Variants in FRY observed in about 807,000 individuals in gnomAD.
The protein encoded by FRY is protein furry homolog.
A neutral mutation model predicts 348.4 loss-of-function variants in FRY; 128 were observed. The observed-to-expected ratio is 0.37, with a 90% CI of 0.32 to 0.43. The LOEUF is 0.43. Ranked by LOEUF, FRY falls within the 20% of genes least tolerant of loss-of-function variation. The pLI is 1.00. For missense variants in FRY, 2,736 were observed against 3,695.2 expected (o/e 0.74, Z 6.73); for synonymous variants, 1,370 against 1,374.7 (o/e 1.00, Z 0.08).
Position 32,228,498 on chromosome 13 carries a change from C to T in FRY, c.5249C>T (p.Pro1750Leu). Reference sequence around the variant, plus strand: ...AGAGAGGACCAGTCATCCCCGGTGCCTGACTCAGGGCTTAGTTCAAGCTCC... The same window carrying T: ...AGAGAGGACCAGTCATCCCCGGTGCTTGACTCAGGGCTTAGTTCAAGCTCC... ...FLREDQSSPVPDSGLSSSSTS... is the reference protein window; with the variant it reads ...FLREDQSSPVLDSGLSSSSTS... Residue 1750 changes from proline to leucine, a missense_variant, in exon 40 of 61, where the codon CCT becomes CTT. Physicochemically the swap from Pro to Leu is moderately conservative, Grantham distance 98. This residue lies in a region of FRY where 794 missense variants were observed against 977.0 expected (regional missense o/e 0.81). Transcript: ENST00000542859. 1 of 1,613,276 alleles carries T rather than the reference C, an allele frequency of 6.2e-7. No individual in the cohort carries two copies. Among genetic ancestry groups the T allele is most frequent in the Non-Finnish European group, 8.5e-7 (1 of 1,179,866 alleles).
chr13:32,276,501 G>A lies in FRY; in HGVS notation c.8324G>A (p.Ser2775Asn). The change falls in exon 57 of 61, where the codon AGT (serine) becomes AAT (asparagine). Residue 2775 changes from serine (S) to asparagine (N), a missense_variant. This residue lies in a region of FRY where 789 missense variants were observed against 996.2 expected (regional missense o/e 0.79). Coordinates refer to ENST00000542859, the MANE Select transcript of FRY (RefSeq NM_023037.3). ...SCGLLDKLKF[S>N]VLELQEYLDT... ...GGACTTCTGGACAAGCTCAAGTTCA[G>A]TGTGTTAGAACTGCAAGAATATTTG... 2 of 1,606,040 alleles carry A rather than the reference G, an allele frequency of 1.2e-6. No individual in the cohort carries two copies. The highest frequency in any genetic ancestry group is 1.7e-6 in the Non-Finnish European group (2 of 1,172,650).
At chr13:32,219,279 C>T (rs1425307744) in intron 36 of FRY, among the ~76,000 whole-genome samples, 7 of 148,876 alleles carry the variant, frequency 4.7e-5, no homozygotes, top group African/African-American at 1.7e-4. Flanking sequence ...TTAGTAGAGA[C>T]GGGATTTCAC....
At chr13:32,108,339 G>A (rs943759061) in intron 3 of FRY, among the ~76,000 whole-genome samples, 9 of 152,192 alleles carry the variant, frequency 5.9e-5, no homozygotes, top group African/African-American at 2.2e-4. Context: ...GCTGAGTGTT[G>A]ATGATGAGGA....
intron 22 of FRY, 146 bp downstream of exon 22, chr13:32,179,179 G>A: frequency 1.5e-6 from 1 of 672,106 alleles, no homozygotes; most frequent in Admixed American, 2.7e-5. Flanking sequence ...AAATTCCATT[G>A]AGTGTTTATA....
chr13:32,164,433 T>C (rs1417499124), intron 17 of FRY, among the ~76,000 whole-genome samples: 1 of 152,190 alleles, frequency 6.6e-6, no homozygotes, highest in Non-Finnish European at 1.5e-5. Context: ...TTCAACTGTG[T>C]GTCCCACACA....
In FRY at chr13:32,296,567, T is replaced by C. The variant is rs1341764393; in HGVS notation, c.*1107T>C. 1 of 152,266 alleles carries C rather than the reference T, an allele frequency of 6.6e-6. No individual in the cohort carries two copies. Among genetic ancestry groups the C allele is most frequent in the Admixed American group, 6.6e-5 (1 of 15,250 alleles). 9.4% of individuals were successfully genotyped at this position (152,266 alleles called of 1,614,324 possible). A position where few individuals can be genotyped will look rare whatever the true frequency, so the allele number is the denominator to read the frequency against. ...ACTCTGTAAATACATTTAAAGTTTT[T>C]GTGATGTAAGCTTAATTGATATTCT... is the stretch of plus-strand genomic sequence containing the variant. On this transcript the variant is annotated 3_prime_UTR_variant, in exon 61 of 61. Transcript: ENST00000542859.
intron 52 of FRY, 130 bp from the exon 53 acceptor site, chr13:32,262,184 T>G (rs2138545782): frequency 2.7e-6 from 2 of 743,974 alleles, no homozygotes; most frequent in East Asian, 5.3e-5. Context: ...CTGCTATGTT[T>G]AAGGCCCAAT....
intron 16 of FRY, among the ~76,000 whole-genome samples, chr13:32,158,578 C>G (rs1313220865): frequency 6.6e-6 from 1 of 152,178 alleles, no homozygotes; most frequent in Non-Finnish European, 1.5e-5. Context: ...TTCCATACTT[C>G]TTGCATATAT....
intron 16 of FRY, among the ~76,000 whole-genome samples, chr13:32,160,293 C>G (rs1025207379): frequency 6.6e-6 from 1 of 152,082 alleles, no homozygotes; most frequent in Non-Finnish European, 1.5e-5. Flanking sequence ...TATATTTATG[C>G]TCAGAAGACT....
At chr13:32,162,075 G>T (rs1336979130) in intron 17 of FRY, among the ~76,000 whole-genome samples, 4 of 152,084 alleles carry the variant, frequency 2.6e-5, no homozygotes, top group African/African-American at 9.7e-5. Flanking sequence ...AGAGAAAATA[G>T]TTTACAAACC....
intron 39 of FRY, among the ~76,000 whole-genome samples, chr13:32,227,775 A>G (rs943100074): frequency 4.3e-4 from 62 of 145,636 alleles, no homozygotes; most frequent in African/African-American, 1.5e-3. Context: ...TTTTTGAGAC[A>G]GAGTCTCACT....
chr13:32,054,141 G>A (rs73444552), intron 1 of FRY, among the ~76,000 whole-genome samples: 18,726 of 151,988 alleles, frequency 0.12, 1,375 homozygotes, highest in Middle Eastern at 0.22. Flanking sequence ...TGTTTTGAAC[G>A]AAAATATGAA....
intron 55 of FRY, among the ~76,000 whole-genome samples, chr13:32,268,068 A>C (rs1888007478): frequency 6.6e-6 from 1 of 152,016 alleles, no homozygotes; most frequent in Non-Finnish European, 1.5e-5. Flanking sequence ...TTCCAACCCC[A>C]CTTCCAATCC....
intron 39 of FRY, among the ~76,000 whole-genome samples, chr13:32,226,256 G>T (rs1885575952): frequency 6.6e-6 from 1 of 152,122 alleles, no homozygotes; most frequent in Non-Finnish European, 1.5e-5. Flanking sequence ...AAATGTAAGT[G>T]CCCATTGGCC....
chr13:32,079,240 A>G (rs12864812), intron 2 of FRY, among the ~76,000 whole-genome samples: 28,771 of 152,148 alleles, frequency 0.19, 4,392 homozygotes, highest in African/African-American at 0.42. Flanking sequence ...AACGATCTTC[A>G]GCAAATACTA....
At chr13:32,248,629 C>A (rs1886922385) in intron 48 of FRY, among the ~76,000 whole-genome samples, 1 of 152,192 alleles carries the variant, frequency 6.6e-6, no homozygotes, top group South Asian at 2.1e-4. Context: ...ATGGTCCTCA[C>A]TGACCTTTCA....
intron 7 of FRY, among the ~76,000 whole-genome samples, chr13:32,125,117 A>C (rs1593641259): frequency 6.6e-6 from 1 of 152,358 alleles, no homozygotes; most frequent in East Asian, 1.9e-4. Context: ...TGCATCAAAG[A>C]AATGGGGTGA....
rs1013175078 is a variant in FRY, at chr13:32,297,688, T to A, written c.*2228T>A. On this transcript the variant is annotated 3_prime_UTR_variant, in exon 61 of 61. Transcript: ENST00000542859. ...TGGAGATGGGAAAAATTGTGTAGGA[T>A]GCAGCCCCACGCCAGCAGAGCCCAG... 1.3e-5 allele frequency: 2 copies of A among 152,210 alleles called. No homozygotes were observed. Among genetic ancestry groups the A allele is most frequent in the African/African-American group, 2.4e-5 (1 of 41,448 alleles). The allele number at this position is 152,210 out of a possible 1,614,324, so 9.4% of individuals were successfully genotyped here.
chr13:32,047,947 C>G (rs1873116998), intron 1 of FRY, among the ~76,000 whole-genome samples: 1 of 152,160 alleles, frequency 6.6e-6, no homozygotes, highest in Non-Finnish European at 1.5e-5. Flanking sequence ...GGACCAAACT[C>G]TTATCCTGTG....
Sources: allele counts gnomAD v4.1 joint callset (sites outside exome capture counted in the v4.1 genomes callset), GRCh38; gene constraint gnomAD v4.1.1; regional missense constraint gnomAD v4.1.1; transcripts MANE v1.5; gene names NCBI Gene and HGNC (gene_info 2026-07-23, HGNC 2026-07-21).